The following RABGAP1L variants were observed in gnomAD, a reference collection of about 807,000 sequenced individuals.
RABGAP1L encodes the protein RAB GTPase activating protein 1 like.
In RABGAP1L, 63 loss-of-function variants were observed where a neutral mutation model predicts 137.7. The observed-to-expected ratio is 0.46, with a 90% CI of 0.37 to 0.56. RABGAP1L has a LOEUF of 0.56. RABGAP1L is among the 20% of genes least tolerant of loss of function. The pLI, the probability that RABGAP1L is intolerant of heterozygous loss-of-function variation, is 0.00. For synonymous variants in RABGAP1L, 431 were observed against 433.7 expected, an observed-to-expected ratio of 0.99 and a Z score of 0.08; for missense variants, 1,095 against 1,244.0, an observed-to-expected ratio of 0.88 and a Z score of 1.80.
intron 13 of RABGAP1L, among the ~76,000 whole-genome samples, chr1:174,423,223 AT>A (rs933444534): frequency 1.3e-5 from 2 of 152,096 alleles, no homozygotes; most frequent in African/African-American, 4.8e-5. Flanking sequence ...AATTGTGTCC[AT>A]TTTTTTAATA....
At chr1:174,248,045 G>A (rs1478386608) in intron 5 of RABGAP1L, among the ~76,000 whole-genome samples, 3 of 152,194 alleles carry the variant, frequency 2.0e-5, no homozygotes, top group Non-Finnish European at 4.4e-5. Flanking sequence ...ACTAAAAGTA[G>A]TTTAAAGTCT....
At chr1:174,171,988 G>A (rs1248064199) in intron 1 of RABGAP1L, among the ~76,000 whole-genome samples, 1 of 152,024 alleles carries the variant, frequency 6.6e-6, no homozygotes, top group African/African-American at 2.4e-5. Context: ...GCGACAGAGT[G>A]AGACTCCATC....
chr1:174,967,104 G>T (rs926907977), intron 20 of RABGAP1L, among the ~76,000 whole-genome samples: 41 of 151,184 alleles, frequency 2.7e-4, no homozygotes, highest in African/African-American at 9.0e-4. Flanking sequence ...ATTTATTGGG[G>T]TTTTTTTCCC....
intron 18 of RABGAP1L, among the ~76,000 whole-genome samples, chr1:174,772,647 A>G (rs559029379): frequency 1.1e-3 from 165 of 151,204 alleles, no homozygotes; most frequent in Middle Eastern, 3.4e-3. Context: ...GTAAATTGAC[A>G]TTGTTGTGCA....
chr1:174,531,801 A>G (rs1664436366), intron 13 of RABGAP1L, among the ~76,000 whole-genome samples: 1 of 151,980 alleles, frequency 6.6e-6, no homozygotes, highest in African/African-American at 2.4e-5. Flanking sequence ...GTGGAACCCT[A>G]GGAATAAATA....
intron 14 of RABGAP1L, among the ~76,000 whole-genome samples, chr1:174,640,577 T>C (rs1053259905): frequency 1.3e-5 from 2 of 152,066 alleles, no homozygotes; most frequent in African/African-American, 4.8e-5. Flanking sequence ...TCTAGAATAA[T>C]AACTAGCATT....
chr1:174,977,441 A>G (rs1670740232), intron 22 of RABGAP1L, among the ~76,000 whole-genome samples: 1 of 152,208 alleles, frequency 6.6e-6, no homozygotes, highest in South Asian at 2.1e-4. Context: ...AATTTAACCC[A>G]GGTTCTACCT....
At chr1:174,580,142 CCTTAAAA>C (rs1668629792) in intron 13 of RABGAP1L, among the ~76,000 whole-genome samples, 1 of 152,044 alleles carries the variant, frequency 6.6e-6, no homozygotes, top group South Asian at 2.1e-4. Flanking sequence ...AACTGGACTT[CCTTAAAA>C]CTTAAGACTT....
chr1:174,241,437 C>A, intron 4 of RABGAP1L, 46 bp from the exon 5 acceptor site: 2 of 1,259,456 alleles, frequency 1.6e-6, no homozygotes, highest in South Asian at 2.1e-5. Flanking sequence ...TGTCTTTGTT[C>A]TTCGAGAATT....
chr1:174,163,253 G>A (rs1375508457), intron 1 of RABGAP1L, among the ~76,000 whole-genome samples: 1 of 152,166 alleles, frequency 6.6e-6, no homozygotes, highest in Non-Finnish European at 1.5e-5. Context: ...TATTTGAATT[G>A]GGTATAAGTA....
intron 14 of RABGAP1L, among the ~76,000 whole-genome samples, chr1:174,644,333 G>A (rs1018344842): frequency 6.6e-6 from 1 of 151,936 alleles, no homozygotes; most frequent in Admixed American, 6.6e-5. Flanking sequence ...GAAGCCTGTA[G>A]TCTTTCAACT....
At chr1:174,581,390 C>T (rs886860410) in intron 13 of RABGAP1L, among the ~76,000 whole-genome samples, 3 of 152,136 alleles carry the variant, frequency 2.0e-5, no homozygotes, top group African/African-American at 4.8e-5. Flanking sequence ...TATGCTACAA[C>T]GTGGATGTAC....
chr1:174,266,513 A>T (rs1345864365), intron 7 of RABGAP1L, among the ~76,000 whole-genome samples: 1 of 152,170 alleles, frequency 6.6e-6, no homozygotes, highest in East Asian at 1.9e-4. Flanking sequence ...ACCGTGGTTC[A>T]GTTACAACAC....
intron 5 of RABGAP1L, among the ~76,000 whole-genome samples, chr1:174,247,795 C>G (rs1181971277): frequency 6.6e-6 from 1 of 152,202 alleles, no homozygotes; most frequent in East Asian, 1.9e-4. Flanking sequence ...TCACGTCCTC[C>G]AGCCTCTGCA....
At chr1:174,480,860 G>A (rs932273656) in intron 13 of RABGAP1L, among the ~76,000 whole-genome samples, 17 of 152,172 alleles carry the variant, frequency 1.1e-4, no homozygotes, top group African/African-American at 4.1e-4. Flanking sequence ...GTGCCTTTCT[G>A]TTGTGAATTT....
intron 13 of RABGAP1L, among the ~76,000 whole-genome samples, chr1:174,627,175 G>A (rs1672992373): frequency 6.6e-6 from 1 of 152,144 alleles, no homozygotes; most frequent in African/African-American, 2.4e-5. Context: ...TTAAAATGTG[G>A]CAAATCAAGG....
intron 10 of RABGAP1L, among the ~76,000 whole-genome samples, chr1:174,282,618 C>T (rs752035756): frequency 8.6e-5 from 13 of 152,026 alleles, no homozygotes; most frequent in Non-Finnish European, 1.3e-4. Flanking sequence ...TTTTACATTT[C>T]GATGAAGTCA....
At chr1:174,885,931 CACTCCAGCCTGGGCGACAGAGCAGG>C (rs1655029310) in intron 19 of RABGAP1L, among the ~76,000 whole-genome samples, 1 of 151,690 alleles carries the variant, frequency 6.6e-6, no homozygotes, top group South Asian at 2.1e-4. Context: ...CGCACCACTG[CACTCCAGCCTGGGCGACAGAGCAGG>C]ACTCCATCTC....
chr1:174,167,271 G>T (rs927476751), intron 1 of RABGAP1L, among the ~76,000 whole-genome samples: 3 of 152,094 alleles, frequency 2.0e-5, no homozygotes, highest in African/African-American at 7.2e-5. Context: ...AATCTTTCCA[G>T]ATTTTCTGCC....
Sources: allele counts gnomAD v4.1 joint callset (sites outside exome capture counted in the v4.1 genomes callset), GRCh38; gene constraint gnomAD v4.1.1; transcripts MANE v1.5; gene names NCBI Gene and HGNC (gene_info 2026-07-23, HGNC 2026-07-21).